Variants in NEBL observed in about 807,000 individuals in gnomAD.
NEBL encodes the protein nebulette.
In NEBL, 122 loss-of-function variants were observed where a neutral mutation model predicts 140.2. That is an observed-to-expected ratio of 0.87 (90% CI 0.75 to 1.01). The LOEUF is 1.01. NEBL is among the 50% of genes least tolerant of loss of function. The probability of loss-of-function intolerance (pLI) is 0.00; values close to 1 mark genes in which losing one functional copy is unlikely to be tolerated. For missense variants in NEBL, 1,365 were observed against 1,231.3 expected (o/e 1.11, Z -1.62); for synonymous variants, 436 against 398.9 (o/e 1.09, Z -1.11).
intron 2 of NEBL, among the ~76,000 whole-genome samples, chr10:20,894,078 T>C (rs1847241415): frequency 6.6e-6 from 1 of 152,124 alleles, no homozygotes; most frequent in Non-Finnish European, 1.5e-5. Flanking sequence ...TTATTACATA[T>C]TGGTTATTAA....
chr10:21,280,820 G>A (rs1449625794), intron 1 of NEBL, among the ~76,000 whole-genome samples: 1 of 151,844 alleles, frequency 6.6e-6, no homozygotes, highest in African/African-American at 2.4e-5. Context: ...TCACCATGTT[G>A]GCCAGGCTGG....
At chr10:20,993,933 C>T (rs1837567874) in intron 3 of NEBL, among the ~76,000 whole-genome samples, 1 of 152,194 alleles carries the variant, frequency 6.6e-6, no homozygotes, top group South Asian at 2.1e-4. Flanking sequence ...CCATCGTCAT[C>T]TCACCCAAGG....
At chr10:20,819,239 T>C in intron 20 of NEBL, 185 bp downstream of exon 20, 1 of 1,041,906 alleles carries the variant, frequency 9.6e-7, no homozygotes, top group Non-Finnish European at 1.4e-6. Context: ...TCCAACAGGC[T>C]CCGGTGTCTG....
Position 21,139,558 on chromosome 10 carries a change from T to A in NEBL, c.164+32825A>T, listed in dbSNP as rs149773584. On this transcript the variant is annotated intron_variant, in intron 2 of 6. Coordinates refer to the NEBL transcript ENST00000417816. ...TATGAGGTTTAGCCTCATGTTGTCA[T>A]AGCAATGATGAAATGGATTTATCTG... 2.3e-4 allele frequency among the ~76,000 whole-genome samples: 35 copies of A among 152,268 alleles called. No individual in the cohort carries two copies. In the South Asian group the frequency reaches 3.9e-3, roughly 17 times the overall value.
chr10:21,006,645 T>G (rs182373116), intron 3 of NEBL, among the ~76,000 whole-genome samples: 1 of 152,262 alleles, frequency 6.6e-6, no homozygotes, highest in East Asian at 1.9e-4. Flanking sequence ...CTACCATAAC[T>G]TTTCCAAAGG....
chr10:21,289,124 G>C (rs1435507755), intron 1 of NEBL, among the ~76,000 whole-genome samples: 1 of 151,776 alleles, frequency 6.6e-6, no homozygotes, highest in Non-Finnish European at 1.5e-5. Context: ...TGAGATTACT[G>C]GCATGAGCCA....
intron 3 of NEBL, among the ~76,000 whole-genome samples, chr10:21,223,692 A>G (rs1208469730): frequency 6.6e-6 from 1 of 152,112 alleles, no homozygotes; most frequent in East Asian, 1.9e-4. Flanking sequence ...CCTTTTCTCC[A>G]TGTCCTCACC....
chr10:20,933,100 A>T (rs1417635833), intron 4 of NEBL, among the ~76,000 whole-genome samples: 2 of 152,176 alleles, frequency 1.3e-5, no homozygotes, highest in African/African-American at 4.8e-5. Flanking sequence ...AAGAACCTAG[A>T]TTCTCTCGAT....
rs535927510 is a variant in NEBL at position 20,835,616 on chromosome 10, T to C, written c.1346A>G (p.Tyr449Cys). The C allele has an allele frequency of 1.0e-4, 160 of 1,604,804 alleles. 1 individual carries two copies. The South Asian group carries it at 1.6e-3, about 16-fold the overall frequency. ...AATTATTGACTCCAGGTCTTTCTTG[T>C]ATTCTTTCTGCAAAAGACAACATTT... ...RASEMASEKEYKKDLESIIKG... is the reference protein window; with the variant it reads ...RASEMASEKECKKDLESIIKG... The change falls in exon 14 of 28, where the codon TAC (tyrosine) becomes TGC (cysteine). Residue 449 changes from tyrosine to cysteine, a missense_variant. This residue lies in a region of NEBL where 1,323 missense variants were observed against 1,154.8 expected (regional missense o/e 1.15). Coordinates refer to ENST00000377122, the MANE Select transcript of NEBL (RefSeq NM_006393.3).
chr10:21,027,164 T>G (rs1460369746), intron 2 of NEBL, among the ~76,000 whole-genome samples: 1 of 152,196 alleles, frequency 6.6e-6, no homozygotes, highest in African/African-American at 2.4e-5. Flanking sequence ...CAGGACTGTA[T>G]GCTGATTCTT....
intron 2 of NEBL, among the ~76,000 whole-genome samples, chr10:21,250,353 G>T (rs1403133474): frequency 6.6e-6 from 1 of 152,208 alleles, no homozygotes; most frequent in Non-Finnish European, 1.5e-5. Context: ...CATGCTGGAT[G>T]CTTCCTGCCC....
intron 4 of NEBL, among the ~76,000 whole-genome samples, chr10:20,950,770 T>C (rs1033855918): frequency 6.6e-6 from 1 of 152,168 alleles, no homozygotes; most frequent in Non-Finnish European, 1.5e-5. Context: ...ACAACAAAAA[T>C]AAATATTTCA....
chr10:20,894,834 CAGG>C (rs1333907852), intron 2 of NEBL, among the ~76,000 whole-genome samples: 2 of 146,718 alleles, frequency 1.4e-5, no homozygotes, highest in Non-Finnish European at 3.0e-5. Flanking sequence ...GTGGCTGAGG[CAGG>C]AGAATGGCGT....
In NEBL at chr10:20,840,676, A is replaced by T. The variant is rs912908960; in HGVS notation, c.1338+63T>A. ...TAGATGTATAGAACCTTTGAGAAAG[A>T]TTGACAAATAAGAAAGTCAGCTAAA... On this transcript the variant is annotated intron_variant, in intron 13 of 27. Transcript: ENST00000377122. 3.0e-5 allele frequency: 34 copies of T among 1,115,150 alleles called. No homozygotes were observed. The Middle Eastern group carries it at 2.0e-3, about 65-fold the overall frequency. 69.1% of individuals were successfully genotyped at this position (1,115,150 alleles called of 1,614,324 possible). A position where few individuals can be genotyped will look rare whatever the true frequency, so the allele number is the denominator to read the frequency against.
chr10:21,255,975 C>CT (rs1005791818), intron 1 of NEBL, among the ~76,000 whole-genome samples: 41 of 144,084 alleles, frequency 2.8e-4, no homozygotes, highest in South Asian at 6.7e-4. Flanking sequence ...GAGCGAGACT[C>CT]TGTCTCAAAA....
At chr10:20,995,463 G>C (rs1351707433) in intron 3 of NEBL, among the ~76,000 whole-genome samples, 2 of 152,140 alleles carry the variant, frequency 1.3e-5, no homozygotes, top group African/African-American at 4.8e-5. Flanking sequence ...TGAGCATGAG[G>C]AAGGCCTAAA....
chr10:21,230,033 A>G lies in NEBL; in HGVS notation n.348+17888T>C, dbSNP rs192163719. 4.0e-3 allele frequency among the ~76,000 whole-genome samples: 611 copies of G among 152,340 alleles called. 3 individuals are homozygous for G. The highest frequency in any genetic ancestry group is 6.2e-3 in the Non-Finnish European group (420 of 68,024). On this transcript the variant is annotated intron_variant and non_coding_transcript_variant, in intron 3 of 8. Transcript: ENST00000675702. ...CTCTTCTTTCTCCAGTTCATGGTTCATCAGATAATTCCATCTCTTGGGTTA... is the reference window on the plus strand; with the variant it reads ...CTCTTCTTTCTCCAGTTCATGGTTCGTCAGATAATTCCATCTCTTGGGTTA...
At chr10:20,973,231 G>C (rs1391054036) in intron 3 of NEBL, among the ~76,000 whole-genome samples, 1 of 150,464 alleles carries the variant, frequency 6.6e-6, no homozygotes, top group Non-Finnish European at 1.5e-5. Flanking sequence ...TTGTAAAAAA[G>C]ATATTTTACC....
chr10:20,979,635 A>T (rs1327931928), intron 3 of NEBL, among the ~76,000 whole-genome samples: 1 of 152,182 alleles, frequency 6.6e-6, no homozygotes, highest in Non-Finnish European at 1.5e-5. Flanking sequence ...TGACTGAATA[A>T]AGGTAAATAG....
Sources: gnomAD v4.1 joint callset for allele counts (sites outside exome capture counted in the v4.1 genomes callset) on GRCh38, gnomAD v4.1.1 for gene constraint, gnomAD v4.1.1 regional missense constraint, MANE v1.5 for transcripts, NCBI Gene and HGNC (gene_info 2026-07-23, HGNC 2026-07-21) for gene names.